Variants in WWP2 observed in about 807,000 individuals in gnomAD.
WWP2 encodes the protein WW domain containing E3 ubiquitin protein ligase 2, also known as NEDD4-like E3 ubiquitin-protein ligase WWP2.
A neutral mutation model predicts 121.0 loss-of-function variants in WWP2; 57 were observed. That is an observed-to-expected ratio of 0.47 (90% CI 0.38 to 0.59). The LOEUF (loss-of-function observed/expected upper bound fraction) is 0.59, where lower values mean the gene tolerates loss of function less well. Among genes scored for constraint, WWP2 ranks in the 20% least tolerant of loss-of-function variants. WWP2 has a pLI of 0.00. For synonymous variants in WWP2, 449 were observed against 441.3 expected (o/e 1.02, Z -0.22); for missense variants, 962 against 1,158.9 (o/e 0.83, Z 2.47).
chr16:69,791,244 T>C (rs2055903869), intron 2 of WWP2, among the ~76,000 whole-genome samples: 1 of 152,012 alleles, frequency 6.6e-6, no homozygotes, highest in African/African-American at 2.4e-5. Context: ...TTTTTTTTTT[T>C]TGAGACGGAG....
intron 1 of WWP2, among the ~76,000 whole-genome samples, chr16:69,786,266 C>T (rs558655983): frequency 1.3e-5 from 2 of 151,426 alleles, no homozygotes; most frequent in East Asian, 3.9e-4. Context: ...GCCTCACCCT[C>T]CTGAGTAGCT....
chr16:69,917,790 C>T lies in WWP2; in HGVS notation c.1086C>T (p.Thr362=), dbSNP rs774368555. 11 of 1,613,880 alleles carry T rather than the reference C, an allele frequency of 6.8e-6. No individual in the cohort carries two copies. The highest frequency in any genetic ancestry group is 1.6e-4 in the Middle Eastern group (1 of 6,084). Residue 362 remains threonine (T), a synonymous_variant, in exon 10 of 24, where the codon ACC becomes ACT. Coordinates refer to ENST00000359154, the MANE Select transcript of WWP2 (RefSeq NM_001270454.2). ...GGACCACCACCTGGCAGCGTCCGACCGCGGAGTACGTGCGCAACTATGAGC... is the reference window on the plus strand; with the variant it reads ...GGACCACCACCTGGCAGCGTCCGACTGCGGAGTACGTGCGCAACTATGAGC... ...NTRTTTWQRP[T]AEYVRNYEQW... is the part of the protein sequence containing the mutation.
intron 3 of WWP2, 65 bp downstream of exon 3, chr16:69,798,894 G>C (rs948495655): frequency 1.3e-6 from 2 of 1,584,192 alleles, no homozygotes; most frequent in Non-Finnish European, 1.7e-6. Flanking sequence ...GCTCCGAGGG[G>C]GTTGTGGGAG....
intron 10 of WWP2, among the ~76,000 whole-genome samples, chr16:69,919,479 T>C (rs1406439205): frequency 6.6e-6 from 1 of 152,088 alleles, no homozygotes; most frequent in African/African-American, 2.4e-5. Context: ...CATTTAAATT[T>C]TCTCGTCCAG....
intron 1 of WWP2, among the ~76,000 whole-genome samples, chr16:69,765,192 C>A (rs1353179224): frequency 6.6e-6 from 1 of 151,704 alleles, no homozygotes; most frequent in Admixed American, 6.6e-5. Flanking sequence ...CAGAGTGAGA[C>A]CCTGTCTCAA....
chr16:69,815,202 C>T, intron 4 of WWP2, among the ~76,000 whole-genome samples: 1 of 152,038 alleles, frequency 6.6e-6, no homozygotes, highest in East Asian at 1.9e-4. Context: ...AGGGTTTCAC[C>T]ATGTTGGCCA....
rs74027206 is a variant in WWP2 at position 69,849,124 on chromosome 16, G to T, written c.575+7004G>T. ...CTGTGTCTGCAGACAGCCTATCCCA[G>T]AAAGGAAAGAAAAATAAACTCAGGC... On this transcript the variant is annotated intron_variant, in intron 6 of 23. Transcript: ENST00000359154. Among the ~76,000 whole-genome samples, 884 of 152,244 alleles carry T rather than the reference G, an allele frequency of 5.8e-3. 11 individuals are homozygous for T. Among genetic ancestry groups the T allele is most frequent in the African/African-American group, 0.02 (845 of 41,530 alleles).
chr16:69,774,852 C>T (rs2055489514), intron 1 of WWP2: 1 of 151,860 alleles, frequency 6.6e-6, no homozygotes, highest in Non-Finnish European at 1.5e-5. Context: ...TACCTGTAAC[C>T]CTAGCTACTC....
At chr16:69,872,058 C>G in intron 7 of WWP2, 127 bp downstream of exon 7, 1 of 1,383,970 alleles carries the variant, frequency 7.2e-7, no homozygotes, top group South Asian at 1.5e-5. Flanking sequence ...TAGGACTAAA[C>G]TGGATTTGAA....
rs529318652 is a variant in WWP2, at chr16:69,764,939, C to T, written c.-16+2548C>T. 3.9e-5 allele frequency among the ~76,000 whole-genome samples: 6 copies of T among 152,298 alleles called. No homozygotes were observed. In the East Asian group the frequency reaches 1.2e-3, roughly 29 times the overall value. ...AAATAGTTGGTCAGACATGGTGGCT[C>T]ATGCCTATAATTCCAGCACTTTGGG... On this transcript the variant is annotated intron_variant, in intron 1 of 23. Coordinates refer to ENST00000359154, the MANE Select transcript of WWP2 (RefSeq NM_001270454.2).
rs752520735 is a variant in WWP2, at chr16:69,876,353, GGT to G, written c.703+4423_703+4424del. Among the ~76,000 whole-genome samples the G allele has an allele frequency of 2.1e-3, 313 of 147,236 alleles. 2 individuals carry two copies. Among genetic ancestry groups the G allele is most frequent in the African/African-American group, 7.3e-3 (287 of 39,360 alleles). On this transcript the variant is annotated intron_variant, in intron 7 of 23. Coordinates refer to ENST00000359154, the MANE Select transcript of WWP2 (RefSeq NM_001270454.2). ...GGTTTTTTTGGGGCATGTTTTTTGG[GGT>G]TTTTTTTTTTTTTCGTTTTTTGTTT...
intron 4 of WWP2, chr16:69,838,656 C>A: frequency 1.1e-6 from 1 of 904,352 alleles, no homozygotes; most frequent in Non-Finnish European, 1.3e-6. Context: ...CAAGAGGTGG[C>A]TGGGGGTTGA....
At chr16:69,835,618 A>T (rs575239902) in intron 4 of WWP2, among the ~76,000 whole-genome samples, 35 of 152,288 alleles carry the variant, frequency 2.3e-4, no homozygotes, top group Admixed American at 1.8e-3. Flanking sequence ...ATGTTATTAT[A>T]GTATATGGCT....
At chr16:69,917,617 G>A (rs1480168963) in intron 9 of WWP2, 92 bp from the exon 10 acceptor site, 21 of 1,476,656 alleles carry the variant, frequency 1.4e-5, no homozygotes, top group Middle Eastern at 1.9e-4. Flanking sequence ...GACAGGGCCT[G>A]CCCGGCTGTG....
intron 6 of WWP2, among the ~76,000 whole-genome samples, chr16:69,855,315 T>C (rs2057291349): frequency 6.6e-6 from 1 of 152,250 alleles, no homozygotes; most frequent in African/African-American, 2.4e-5. Flanking sequence ...TCCTTATTTC[T>C]TAAGTATTTT....
chr16:69,840,651 G>A (rs552958291), intron 5 of WWP2, among the ~76,000 whole-genome samples: 3 of 152,300 alleles, frequency 2.0e-5, no homozygotes, highest in Non-Finnish European at 2.9e-5. Context: ...GGAAGGGTAC[G>A]CTGTGTTCTT....
Position 69,941,370 on chromosome 16 carries a change from C to G in WWP2, c.*1430C>G, listed in dbSNP as rs897990464. On this transcript the variant is annotated 3_prime_UTR_variant, in exon 24 of 24. Coordinates refer to ENST00000359154, the MANE Select transcript of WWP2 (RefSeq NM_001270454.2). Reference sequence around the variant, plus strand: ...AGCACAGTCTCCATGCTCCCAGATTCTCGACCTTCCCCCGGCCCGGGAGGT... The same window carrying G: ...AGCACAGTCTCCATGCTCCCAGATTGTCGACCTTCCCCCGGCCCGGGAGGT... 2.6e-5 allele frequency: 4 copies of G among 154,022 alleles called. No homozygotes were observed. Among genetic ancestry groups the G allele is most frequent in the African/African-American group, 9.6e-5 (4 of 41,474 alleles). The allele number at this position is 154,022 out of a possible 1,614,324, so 9.5% of individuals were successfully genotyped here. A position where few individuals can be genotyped will look rare whatever the true frequency, so the allele number is the denominator to read the frequency against.
chr16:69,901,717 A>T (rs1380680648), intron 8 of WWP2, among the ~76,000 whole-genome samples: 1 of 152,220 alleles, frequency 6.6e-6, no homozygotes, highest in African/African-American at 2.4e-5. Context: ...AATGAATAAT[A>T]CAAGCTGATA....
intron 4 of WWP2, among the ~76,000 whole-genome samples, chr16:69,832,120 C>T (rs1198045940): frequency 2.6e-5 from 4 of 151,990 alleles, no homozygotes; most frequent in East Asian, 1.9e-4. Context: ...TGAGCCACTG[C>T]GCCCTGCCTT....
Sources: gnomAD v4.1 joint callset for allele counts (sites outside exome capture counted in the v4.1 genomes callset) on GRCh38, gnomAD v4.1.1 for gene constraint, MANE v1.5 for transcripts, NCBI Gene and HGNC (gene_info 2026-07-23, HGNC 2026-07-21) for gene names.